TBC1D22A: variants seen among roughly 807,000 people sequenced by gnomAD.
The protein encoded by TBC1D22A is TBC1 domain family member 22A.
A neutral mutation model predicts 60.2 loss-of-function variants in TBC1D22A; 38 were observed. The ratio of observed to expected loss-of-function variants is 0.63; its 90% CI spans 0.49 to 0.83. The LOEUF is 0.83. Among genes scored for constraint, TBC1D22A ranks in the 40% least tolerant of loss-of-function variants. The probability of loss-of-function intolerance (pLI) is 0.00; values close to 1 mark genes in which losing one functional copy is unlikely to be tolerated. For missense variants in TBC1D22A, 628 were observed against 701.0 expected, an observed-to-expected ratio of 0.90 and a Z score of 1.18; for synonymous variants, 302 against 281.7, an observed-to-expected ratio of 1.07 and a Z score of -0.72.
chr22:46,920,294 G>T (rs897278066), intron 8 of TBC1D22A, among the ~76,000 whole-genome samples: 1 of 152,134 alleles, frequency 6.6e-6, no homozygotes, highest in East Asian at 1.9e-4. Flanking sequence ...GCCCTGGTTG[G>T]TCTCAAACTC....
chr22:46,984,359 T>C (rs2074632556), intron 9 of TBC1D22A, among the ~76,000 whole-genome samples: 1 of 67,292 alleles, frequency 1.5e-5, no homozygotes, highest in Non-Finnish European at 2.8e-5. Context: ...AGAACCAGAC[T>C]CCATCTCAAA....
chr22:46,792,918 C>A, intron 2 of TBC1D22A: 1 of 1,373,862 alleles, frequency 7.3e-7, no homozygotes, highest in South Asian at 1.6e-5. Context: ...CATTCTCCAC[C>A]AGCTGCTGGA....
intron 12 of TBC1D22A, among the ~76,000 whole-genome samples, chr22:47,133,376 A>T (rs1429809189): frequency 6.6e-6 from 1 of 152,206 alleles, no homozygotes; most frequent in Non-Finnish European, 1.5e-5. Flanking sequence ...TACTGGGGAC[A>T]AGGACTGAGA....
intron 4 of TBC1D22A, among the ~76,000 whole-genome samples, chr22:46,878,345 G>A (rs2067672179): frequency 6.8e-6 from 1 of 147,516 alleles, no homozygotes; most frequent in Non-Finnish European, 1.5e-5. Context: ...GAGGTGGGAG[G>A]GAAGGAGGCC....
chr22:46,981,445 T>C (rs902867112), intron 9 of TBC1D22A, among the ~76,000 whole-genome samples: 1 of 152,154 alleles, frequency 6.6e-6, no homozygotes, highest in African/African-American at 2.4e-5. Flanking sequence ...AGGCTTTGTG[T>C]CCCCACCCAA....
chr22:47,076,380 T>TATAC (rs1344914035), intron 11 of TBC1D22A, among the ~76,000 whole-genome samples: 39 of 124,534 alleles, frequency 3.1e-4, no homozygotes, highest in African/African-American at 7.6e-4. Flanking sequence ...TATATATATA[T>TATAC]ACACACACAC....
At chr22:47,018,201 T>C (rs1378357655) in intron 10 of TBC1D22A, among the ~76,000 whole-genome samples, 3 of 152,260 alleles carry the variant, frequency 2.0e-5, no homozygotes, top group Non-Finnish European at 4.4e-5. Flanking sequence ...GTTCTTCCTA[T>C]CCATGGAAGG....
chr22:47,042,443 G>T (rs919823335), intron 11 of TBC1D22A, among the ~76,000 whole-genome samples: 3 of 146,496 alleles, frequency 2.0e-5, no homozygotes, highest in Admixed American at 2.0e-4. Context: ...GAGAGAGAGA[G>T]AATATGAATG....
intron 4 of TBC1D22A, among the ~76,000 whole-genome samples, chr22:46,877,076 C>A (rs1263753357): frequency 1.3e-5 from 2 of 152,146 alleles, no homozygotes; most frequent in African/African-American, 4.8e-5. Context: ...GTCTGTGCTA[C>A]AAAAGTCTTT....
chr22:46,930,892 C>A (rs2071320533), intron 8 of TBC1D22A, among the ~76,000 whole-genome samples: 1 of 152,202 alleles, frequency 6.6e-6, no homozygotes, highest in African/African-American at 2.4e-5. Context: ...TACACAAATT[C>A]ACCTAAGCTA....
intron 8 of TBC1D22A, among the ~76,000 whole-genome samples, chr22:46,916,449 C>T (rs1052716915): frequency 1.3e-5 from 2 of 152,228 alleles, no homozygotes; most frequent in Non-Finnish European, 2.9e-5. Context: ...TTGAGAAGGG[C>T]AGTTTGGTCC....
intron 1 of TBC1D22A, among the ~76,000 whole-genome samples, chr22:46,776,403 T>TG (rs1438332532): frequency 6.7e-6 from 1 of 149,412 alleles, no homozygotes; most frequent in Admixed American, 6.7e-5. Flanking sequence ...GGCTGTGTGG[T>TG]GGGGTGGTAT....
chr22:46,762,725 T>C lies in TBC1D22A; in HGVS notation c.-62T>C. On this transcript the variant is annotated 5_prime_UTR_variant, in exon 1 of 13. Transcript: ENST00000337137. ...CACCCGGGGCACAGGAAAGGGCCGC[T>C]AGGGGAGGGCCGGGTGCACTCGGGG... is the stretch of plus-strand genomic sequence containing the variant. 2 of 1,365,508 alleles carry C rather than the reference T, an allele frequency of 1.5e-6. No homozygotes were observed. Among genetic ancestry groups the C allele is most frequent in the Non-Finnish European group, 9.5e-7 (1 of 1,052,200 alleles). The allele number at this position is 1,365,508 out of a possible 1,614,324, so 84.6% of individuals were successfully genotyped here.
intron 11 of TBC1D22A, among the ~76,000 whole-genome samples, chr22:47,063,676 T>C (rs131937): frequency 0.47 from 71,308 of 151,624 alleles, 17,416 homozygotes; most frequent in East Asian, 0.59. Context: ...CTGCCATGTG[T>C]CACACACTGA....
chr22:47,171,182 A>T (rs2068433618), intron 12 of TBC1D22A, among the ~76,000 whole-genome samples: 1 of 152,174 alleles, frequency 6.6e-6, no homozygotes, highest in Admixed American at 6.5e-5. Flanking sequence ...CTGGACAGGA[A>T]GACAGGATGT....
chr22:46,830,659 A>G lies in TBC1D22A; in HGVS notation c.637+33039A>G, dbSNP rs191601188. Among the ~76,000 whole-genome samples, 3 of 152,370 alleles carry G rather than the reference A, an allele frequency of 2.0e-5. No homozygotes were observed. The East Asian group carries it at 5.8e-4, about 29-fold the overall frequency. ...GCCCAACATCAATGGGCAGGAATGT[A>G]TAATCCTTTTACAGGGAAGTGAATC... is the stretch of plus-strand genomic sequence containing the variant. On this transcript the variant is annotated intron_variant, in intron 4 of 12. Coordinates refer to ENST00000337137, the MANE Select transcript of TBC1D22A (RefSeq NM_014346.5).
Position 46,972,190 on chromosome 22 carries a change from T to A in TBC1D22A, c.1016-2100T>A, listed in dbSNP as rs145793491. The stretch of plus-strand genomic sequence containing the variant: ...CCGGGTCCCAGGAGGAACCCATCCA[T>A]TTCCCCATGCCACTGGGTGACTCCG... On this transcript the variant is annotated intron_variant, in intron 8 of 12. Transcript: ENST00000337137. Among the ~76,000 whole-genome samples, 366 of 152,340 alleles carry A rather than the reference T, an allele frequency of 2.4e-3. 2 individuals are homozygous for A. The highest frequency in any genetic ancestry group is 8.4e-3 in the African/African-American group (350 of 41,580).
intron 4 of TBC1D22A, among the ~76,000 whole-genome samples, chr22:46,807,725 A>G (rs2085209182): frequency 6.6e-6 from 1 of 152,238 alleles, no homozygotes; most frequent in Non-Finnish European, 1.5e-5. Context: ...GCCAGTAGCA[A>G]CAATCACTTG....
rs1353721297 is a variant in TBC1D22A at position 47,088,369 on chromosome 22, C to A, written c.1330-23139C>A. ...ACTTCTCATAGACTCTTGGGTCATG[C>A]CAAGAGCCCAATTTAAAGGGACCCT... On this transcript the variant is annotated intron_variant, in intron 11 of 12. Transcript: ENST00000337137. Among the ~76,000 whole-genome samples the A allele has an allele frequency of 3.3e-5, 5 of 152,156 alleles. No individual in the cohort carries two copies. In the East Asian group the frequency reaches 7.7e-4, roughly 24 times the overall value.
Sources: gnomAD v4.1 joint callset for allele counts (sites outside exome capture counted in the v4.1 genomes callset) on GRCh38, gnomAD v4.1.1 for gene constraint, MANE v1.5 for transcripts, NCBI Gene and HGNC (gene_info 2026-07-23, HGNC 2026-07-21) for gene names.